FRMPD4: variants seen among roughly 807,000 people sequenced by gnomAD.
The protein encoded by FRMPD4 is FERM and PDZ domain containing 4, also known as FERM and PDZ domain-containing protein 4.
FRMPD4 carries 22 observed loss-of-function variants against 94.1 expected under a neutral mutation model. The ratio of observed to expected loss-of-function variants is 0.23; its 90% CI spans 0.17 to 0.33. FRMPD4 has a LOEUF of 0.33. FRMPD4 is among the 10% of genes least tolerant of loss of function. The pLI is 1.00. For synonymous variants in FRMPD4, 631 were observed against 548.6 expected, an observed-to-expected ratio of 1.15 and a Z score of -2.10; for missense variants, 1,111 against 1,339.9, an observed-to-expected ratio of 0.83 and a Z score of 2.67.
At chrX:12,526,823 C>G (rs188251399) in intron 2 of FRMPD4, among the ~76,000 whole-genome samples, 8 of 112,311 alleles carry the variant, frequency 7.1e-5, no homozygotes, top group African/African-American at 2.6e-4. Context: ...ATTTCTTATG[C>G]TTTAAAATAA....
Position 12,710,422 on chromosome X carries a change from C to T in FRMPD4, c.1494C>T (p.Ser498=). 1 of 1,202,471 alleles carries T rather than the reference C, an allele frequency of 8.3e-7. No individual in the cohort carries two copies. Among genetic ancestry groups the T allele is most frequent in the Admixed American group, 2.2e-5 (1 of 45,987 alleles). The change falls in exon 14 of 17, where the codon TCC becomes TCT. Residue 498 remains serine (S), a synonymous_variant. Transcript: ENST00000675598. ...DVKPITLLME[S]SDAMNLACLT... ...AGCCTATCACGCTTCTGATGGAATCCTCAGATGCCATGAACCTGGCCTGCT... is the reference window on the plus strand; with the variant it reads ...AGCCTATCACGCTTCTGATGGAATCTTCAGATGCCATGAACCTGGCCTGCT...
chrX:12,701,067 C>CTTTTTTT (rs34465193), intron 9 of FRMPD4, among the ~76,000 whole-genome samples: 9 of 56,585 alleles, frequency 1.6e-4, no homozygotes, highest in Non-Finnish European at 2.2e-4. Context: ...GTTTTGGCTT[C>CTTTTTTT]TTTTTTTTTT....
At chrX:11,849,678 G>GTTT (rs200493437) in intron 1 of FRMPD4, among the ~76,000 whole-genome samples, 5,715 of 98,172 alleles carry the variant, frequency 0.058, 441 homozygotes, top group African/African-American at 0.2. Context: ...GAAAGGACAG[G>GTTT]TTTTTTTTTT....
chrX:12,482,215 T>C (rs1397774052), intron 1 of FRMPD4, among the ~76,000 whole-genome samples: 1 of 110,764 alleles, frequency 9.0e-6, no homozygotes, highest in Non-Finnish European at 1.9e-5. Flanking sequence ...CACAGAGCCC[T>C]GAGGAAACTA....
chrX:12,123,283 G>A (rs1048786141), intron 3 of FRMPD4, among the ~76,000 whole-genome samples: 11 of 110,694 alleles, frequency 9.9e-5, no homozygotes, highest in Admixed American at 8.6e-4. Flanking sequence ...GATTACAGGC[G>A]TGTGCCAGTA....
At chrX:12,310,166 G>C in intron 1 of FRMPD4, among the ~76,000 whole-genome samples, 1 of 109,691 alleles carries the variant, frequency 9.1e-6, no homozygotes, top group Non-Finnish European at 1.9e-5. Context: ...TATAGGATTT[G>C]GGTAGGTAAA....
intron 1 of FRMPD4, among the ~76,000 whole-genome samples, chrX:12,485,028 A>G (rs533340742): frequency 3.3e-4 from 37 of 112,301 alleles, no homozygotes; most frequent in Middle Eastern, 4.6e-3. Flanking sequence ...ACACTGCTCA[A>G]TTCTGCTGTT....
At chrX:12,681,382 CAA>C (rs35297144) in intron 5 of FRMPD4, among the ~76,000 whole-genome samples, 19,188 of 112,023 alleles carry the variant, frequency 0.17, 1,621 homozygotes, top group East Asian at 0.71. Context: ...CCTATAATTA[CAA>C]AGATACTGAT....
At chrX:12,633,266 G>A (rs1238467091) in intron 4 of FRMPD4, among the ~76,000 whole-genome samples, 1 of 112,234 alleles carries the variant, frequency 8.9e-6, no homozygotes, top group Non-Finnish European at 1.9e-5. Context: ...AACAAGGTGA[G>A]TTTTAGGAAA....
intron 1 of FRMPD4, among the ~76,000 whole-genome samples, chrX:12,205,470 G>A (rs761808681): frequency 8.9e-6 from 1 of 112,114 alleles, no homozygotes; most frequent in East Asian, 2.8e-4. Flanking sequence ...AAATTGCTAA[G>A]CCAGGGCTTT....
At chrX:12,218,598 G>A (rs1286780255) in intron 1 of FRMPD4, among the ~76,000 whole-genome samples, 1 of 112,213 alleles carries the variant, frequency 8.9e-6, no homozygotes, top group Non-Finnish European at 1.9e-5. Flanking sequence ...TCCCCTAAAT[G>A]GGAGGAGAGG....
At chrX:12,254,243 G>A (rs376140816) in intron 1 of FRMPD4, among the ~76,000 whole-genome samples, 2 of 112,005 alleles carry the variant, frequency 1.8e-5, no homozygotes, top group East Asian at 5.6e-4. Flanking sequence ...TGCAGGAAGA[G>A]CACCTGAGTG....
chrX:12,036,423 T>C (rs767223995), intron 3 of FRMPD4, among the ~76,000 whole-genome samples: 1 of 111,802 alleles, frequency 8.9e-6, no homozygotes, highest in African/African-American at 3.2e-5. Context: ...AAAAATATTA[T>C]TAGGAAAATT....
At chrX:12,346,690 C>T (rs1425966227) in intron 1 of FRMPD4, among the ~76,000 whole-genome samples, 1 of 111,395 alleles carries the variant, frequency 9.0e-6, no homozygotes, top group Non-Finnish European at 1.9e-5. Context: ...TTTTATTCTT[C>T]AGTCACCTTC....
intron 2 of FRMPD4, among the ~76,000 whole-genome samples, chrX:12,547,790 C>T (rs191277546): frequency 2.1e-4 from 23 of 111,820 alleles, no homozygotes; most frequent in Non-Finnish European, 3.2e-4. Context: ...AAACATCAAC[C>T]TTAAAATTAA....
intron 1 of FRMPD4, among the ~76,000 whole-genome samples, chrX:12,380,578 T>A (rs1218986465): frequency 8.9e-6 from 1 of 112,032 alleles, no homozygotes; most frequent in African/African-American, 3.2e-5. Flanking sequence ...AAAGCAAGTA[T>A]CTCTTCCACC....
intron 1 of FRMPD4, among the ~76,000 whole-genome samples, chrX:12,483,905 T>A (rs181287521): frequency 7.1e-5 from 8 of 111,936 alleles, no homozygotes; most frequent in Non-Finnish European, 1.5e-4. Flanking sequence ...CAATGCTATA[T>A]CCCTAAGTAT....
At chrX:12,109,643 T>A (rs2055336707) in intron 3 of FRMPD4, among the ~76,000 whole-genome samples, 2 of 111,504 alleles carry the variant, frequency 1.8e-5, no homozygotes, top group African/African-American at 3.3e-5. Context: ...GAGCTGGTTT[T>A]TTGAAAAGAT....
At chrX:12,474,358 G>A (rs888262712) in intron 1 of FRMPD4, among the ~76,000 whole-genome samples, 1 of 111,117 alleles carries the variant, frequency 9.0e-6, no homozygotes, top group Middle Eastern at 4.7e-3. Context: ...AGAGAAAGCA[G>A]GAAAGATCTA....
Sources: gnomAD v4.1 joint callset for allele counts (sites outside exome capture counted in the v4.1 genomes callset) on GRCh38, gnomAD v4.1.1 for gene constraint, MANE v1.5 for transcripts, NCBI Gene and HGNC (gene_info 2026-07-23, HGNC 2026-07-21) for gene names.